LTBP1: variants seen among roughly 807,000 people sequenced by gnomAD.
LTBP1 encodes latent-transforming growth factor beta-binding protein 1.
A neutral mutation model predicts 207.6 loss-of-function variants in LTBP1; 129 were observed. That is an observed-to-expected ratio of 0.62 (90% CI 0.54 to 0.72). The LOEUF is 0.72. LTBP1 is among the 30% of genes least tolerant of loss of function. LTBP1 has a pLI of 0.00. For missense variants in LTBP1, 2,281 were observed against 2,217.2 expected (o/e 1.03, Z -0.58); for synonymous variants, 963 against 833.7 (o/e 1.16, Z -2.67).
chr2:33,110,346 C>T (rs369840344), intron 3 of LTBP1, among the ~76,000 whole-genome samples: 3 of 152,282 alleles, frequency 2.0e-5, no homozygotes, highest in South Asian at 2.1e-4. Context: ...TTTATCATCA[C>T]GCTTCTTAAC....
At chr2:32,997,778 ATTGTGGAGAACACAATTCTAG>A (rs562692858) in intron 2 of LTBP1, among the ~76,000 whole-genome samples, 115 of 152,292 alleles carry the variant, frequency 7.6e-4, no homozygotes, top group Middle Eastern at 3.4e-3. Context: ...ACTTGAATGA[ATTGTGGAGAACACAATTCTAG>A]TTGTGGAGAA....
At chr2:33,267,886 T>A (rs1484288638) in intron 15 of LTBP1, among the ~76,000 whole-genome samples, 4 of 152,202 alleles carry the variant, frequency 2.6e-5, no homozygotes, top group Non-Finnish European at 4.4e-5. Context: ...GTAGCCTTGC[T>A]ATAGGAAGTT....
At chr2:33,351,905 T>C (rs17012864) in intron 26 of LTBP1, among the ~76,000 whole-genome samples, 13,639 of 152,282 alleles carry the variant, frequency 0.09, 770 homozygotes, top group Middle Eastern at 0.14. Context: ...AAATTATTTA[T>C]GTTATTCCCC....
intron 19 of LTBP1, among the ~76,000 whole-genome samples, chr2:33,285,556 C>T (rs1309248242): frequency 6.7e-6 from 1 of 149,322 alleles, no homozygotes; most frequent in Non-Finnish European, 1.5e-5. Flanking sequence ...TCAAGCAGTT[C>T]TCCTGCCTCA....
At chr2:32,979,218 T>A (rs1240877022) in intron 2 of LTBP1, among the ~76,000 whole-genome samples, 1 of 151,840 alleles carries the variant, frequency 6.6e-6, no homozygotes, top group Non-Finnish European at 1.5e-5. Context: ...TGATCTTTAT[T>A]ATTTCTTTTG....
At chr2:33,230,401 T>A (rs2091716854) in intron 9 of LTBP1, among the ~76,000 whole-genome samples, 1 of 152,180 alleles carries the variant, frequency 6.6e-6, no homozygotes, top group Non-Finnish European at 1.5e-5. Context: ...TGCAATTATC[T>A]TTTCAAAGGG....
intron 9 of LTBP1, among the ~76,000 whole-genome samples, chr2:33,229,880 A>T (rs992645769): frequency 5.9e-5 from 9 of 152,236 alleles, no homozygotes; most frequent in Admixed American, 4.6e-4. Flanking sequence ...GAAGTAACAC[A>T]CAAAATTCTA....
At chr2:33,184,781 G>GTTT (rs34063170) in intron 5 of LTBP1, among the ~76,000 whole-genome samples, 1,942 of 136,368 alleles carry the variant, frequency 0.014, 20 homozygotes, top group Non-Finnish European at 0.021. Flanking sequence ...AGTATTTTCT[G>GTTT]TTTTTTTTTT....
chr2:33,157,911 G>T (rs1252061650), intron 5 of LTBP1, among the ~76,000 whole-genome samples: 1 of 152,120 alleles, frequency 6.6e-6, no homozygotes, highest in African/African-American at 2.4e-5. Flanking sequence ...GGAAGCCAAG[G>T]CATGTGGATC....
intron 5 of LTBP1, among the ~76,000 whole-genome samples, chr2:33,143,299 A>C (rs990381010): frequency 2.6e-5 from 4 of 152,210 alleles, no homozygotes; most frequent in South Asian, 2.1e-4. Flanking sequence ...TTGGGAACAA[A>C]GACTTGTCCA....
At chr2:33,307,223 A>T (rs1402186942) in intron 22 of LTBP1, among the ~76,000 whole-genome samples, 1 of 152,230 alleles carries the variant, frequency 6.6e-6, no homozygotes, top group Admixed American at 6.5e-5. Flanking sequence ...ACTTCAGATA[A>T]CAGTTTTTCA....
intron 7 of LTBP1, among the ~76,000 whole-genome samples, chr2:33,205,511 T>G (rs2089781083): frequency 6.6e-6 from 1 of 152,224 alleles, no homozygotes. Flanking sequence ...AGCAGAGGAC[T>G]CTGCTCTGCA....
At chr2:33,210,632 A>G (rs2090242131) in intron 7 of LTBP1, among the ~76,000 whole-genome samples, 1 of 152,178 alleles carries the variant, frequency 6.6e-6, no homozygotes, top group African/African-American at 2.4e-5. Flanking sequence ...CCAACTGTAC[A>G]TCTAATCTCA....
At chr2:33,246,482 CACACACACACACAG>C (rs1460566208) in intron 10 of LTBP1, among the ~76,000 whole-genome samples, 1 of 151,066 alleles carries the variant, frequency 6.6e-6, no homozygotes. Context: ...CGCACACGCA[CACACACACACACAG>C]ACACACACAC....
rs753426135 is a variant in LTBP1 at position 33,110,733 on chromosome 2, G to A, written c.1015G>A (p.Val339Ile). 1 of 1,613,872 alleles carries A rather than the reference G, an allele frequency of 6.2e-7. No homozygotes were observed. Among genetic ancestry groups the A allele is most frequent in the African/African-American group, 1.3e-5 (1 of 74,918 alleles). Residue 339 changes from valine to isoleucine, a missense_variant, in exon 4 of 34, where the codon GTT becomes ATT. Around this residue, in one of 3 missense-constraint regions of LTBP1, gnomAD observed 555 missense variants for 491.0 expected, o/e 1.13. Transcript: ENST00000404816. ...CCCTTTAAGATATGTGCAGGATCAAGTTGCGGCACCTTTTCAGCGTGAGTA... is the reference window on the plus strand; with the variant it reads ...CCCTTTAAGATATGTGCAGGATCAAATTGCGGCACCTTTTCAGCGTGAGTA... Reference protein sequence around the residue: ...SFPLRYVQDQVAAPFQLSNHT... With the variant: ...SFPLRYVQDQIAAPFQLSNHT...
rs114153090 is a variant in LTBP1 at position 33,162,343 on chromosome 2, T to G, written c.1202-24513T>G. Among the ~76,000 whole-genome samples the G allele has an allele frequency of 6.8e-3, 1,036 of 152,366 alleles. 8 individuals are homozygous for G. The highest frequency in any genetic ancestry group is 0.031 in the Middle Eastern group (9 of 294). On this transcript the variant is annotated intron_variant, in intron 5 of 33. Coordinates refer to ENST00000404816, the MANE Select transcript of LTBP1 (RefSeq NM_206943.4). Reference sequence around the variant, plus strand: ...TTAATCATTATTTTTCTTGTTTGCTTTAGGAATTCTGAATGGATGTCATGA... The same window carrying G: ...TTAATCATTATTTTTCTTGTTTGCTGTAGGAATTCTGAATGGATGTCATGA...
At chr2:32,979,240 T>C (rs1163698978) in intron 2 of LTBP1, among the ~76,000 whole-genome samples, 4 of 151,900 alleles carry the variant, frequency 2.6e-5, no homozygotes, top group Non-Finnish European at 4.4e-5. Flanking sequence ...TCTACTAATT[T>C]TGGGTTTAGT....
At chr2:33,007,268 A>G (rs1190183450) in intron 2 of LTBP1, among the ~76,000 whole-genome samples, 1 of 152,232 alleles carries the variant, frequency 6.6e-6, no homozygotes, top group African/African-American at 2.4e-5. Context: ...GGCGTGAGCC[A>G]TCATGCCCGG....
At chr2:33,033,253 T>C (rs2075768892) in intron 3 of LTBP1, among the ~76,000 whole-genome samples, 1 of 152,178 alleles carries the variant, frequency 6.6e-6, no homozygotes, top group Non-Finnish European at 1.5e-5. Flanking sequence ...AGCTATATTT[T>C]CATAGGACAA....
Sources: gnomAD v4.1 joint callset for allele counts (sites outside exome capture counted in the v4.1 genomes callset) on GRCh38, gnomAD v4.1.1 for gene constraint, gnomAD v4.1.1 regional missense constraint, MANE v1.5 for transcripts, NCBI Gene and HGNC (gene_info 2026-07-23, HGNC 2026-07-21) for gene names.